EDIL3: variants seen among roughly 807,000 people sequenced by gnomAD.
EDIL3 encodes EGF like and discoidin domains 3.
A neutral mutation model predicts 67.4 loss-of-function variants in EDIL3; 37 were observed. That is an observed-to-expected ratio of 0.55 (90% CI 0.42 to 0.72). EDIL3 has a LOEUF of 0.72. Ranked by LOEUF, EDIL3 falls within the 30% of genes least tolerant of loss-of-function variation. The probability of loss-of-function intolerance (pLI) is 0.00; values close to 1 mark genes in which losing one functional copy is unlikely to be tolerated. For missense variants in EDIL3, 527 were observed against 586.3 expected, an observed-to-expected ratio of 0.90 and a Z score of 1.04; for synonymous variants, 195 against 196.3, an observed-to-expected ratio of 0.99 and a Z score of 0.05.
chr5:84,384,526 C>G lies in EDIL3; in HGVS notation c.-152G>C, dbSNP rs1362123255. The G allele has an allele frequency of 4.3e-6, 3 of 697,044 alleles. No individual in the cohort carries two copies. The highest frequency in any genetic ancestry group is 1.8e-5 in the African/African-American group (1 of 54,360). 43.2% of individuals were successfully genotyped at this position (697,044 alleles called of 1,614,324 possible). A position where few individuals can be genotyped will look rare whatever the true frequency, so the allele number is the denominator to read the frequency against. On this transcript the variant is annotated 5_prime_UTR_variant, in exon 1 of 11. Coordinates refer to ENST00000296591, the MANE Select transcript of EDIL3 (RefSeq NM_005711.5). ...TCCTCAGCGCTTTGTTAAACAAATT[C>G]TTGGAGAGGGCGAGAGTGGTGACTA...
At chr5:84,101,796 G>C (rs1185722565) in intron 6 of EDIL3, among the ~76,000 whole-genome samples, 1 of 151,972 alleles carries the variant, frequency 6.6e-6, no homozygotes, top group African/African-American at 2.4e-5. Context: ...TCGAGGAAGA[G>C]GGACTCCTTC....
At chr5:84,379,844 G>A (rs892679952) in intron 1 of EDIL3, among the ~76,000 whole-genome samples, 21 of 151,992 alleles carry the variant, frequency 1.4e-4, no homozygotes, top group African/African-American at 4.8e-4. Context: ...ACTTTATGTG[G>A]ATCTGCAGAT....
chr5:84,029,593 A>G (rs2112200871), intron 9 of EDIL3, among the ~76,000 whole-genome samples: 1 of 152,326 alleles, frequency 6.6e-6, no homozygotes, highest in Non-Finnish European at 1.5e-5. Context: ...GCTTTTATCA[A>G]AGGGAGTATT....
intron 6 of EDIL3, among the ~76,000 whole-genome samples, chr5:84,068,674 T>C (rs1380473561): frequency 1.3e-5 from 2 of 152,170 alleles, no homozygotes; most frequent in African/African-American, 4.8e-5. Context: ...ATTTTGGCAC[T>C]GTTTCCATTA....
intron 9 of EDIL3, among the ~76,000 whole-genome samples, chr5:84,013,662 G>T (rs1286846626): frequency 6.6e-6 from 1 of 152,140 alleles, no homozygotes; most frequent in East Asian, 1.9e-4. Flanking sequence ...ATGGGATATA[G>T]CAATGAAGAA....
chr5:84,239,407 T>A (rs1744749696), intron 2 of EDIL3, among the ~76,000 whole-genome samples: 1 of 152,170 alleles, frequency 6.6e-6, no homozygotes, highest in South Asian at 2.1e-4. Context: ...TTGTAAAGAA[T>A]TAATTTCCTT....
Position 83,963,220 on chromosome 5 carries a change from C to T in EDIL3, c.1278G>A (p.Lys426=), listed in dbSNP as rs757509169. 11 of 1,593,574 alleles carry T rather than the reference C, an allele frequency of 6.9e-6. No individual in the cohort carries two copies. In the East Asian group the frequency reaches 2.3e-4, roughly 33 times the overall value. ...GCTGACTTACCTTATCTTTTCTTTG[C>T]TTTTCATCCTGGTATACAGTCCAGT... ...GEHWTVYQDE[K]QRKDKVFQGN... Residue 426 remains lysine (K), a synonymous_variant, in exon 10 of 11, where the codon AAG becomes AAA. Transcript: ENST00000296591.
chr5:84,366,061 C>T (rs769434315), intron 1 of EDIL3, among the ~76,000 whole-genome samples: 1 of 152,050 alleles, frequency 6.6e-6, no homozygotes, highest in African/African-American at 2.4e-5. Context: ...AATACACCAA[C>T]ATGCCAGAAA....
rs531577968 is a variant in EDIL3, at chr5:84,195,107, T to C, written c.227-14586A>G. Among the ~76,000 whole-genome samples the C allele has an allele frequency of 3.9e-5, 6 of 152,048 alleles. No individual in the cohort carries two copies. In the South Asian group the frequency reaches 6.2e-4, roughly 16 times the overall value. ...GATTAAAATGATCACAATGTCACCA[T>C]CTGAATGGACAAAAAAGCTGAGGTT... On this transcript the variant is annotated intron_variant, in intron 3 of 10. Transcript: ENST00000296591.
At chr5:84,258,590 C>T (rs1745164771) in intron 1 of EDIL3, among the ~76,000 whole-genome samples, 1 of 152,162 alleles carries the variant, frequency 6.6e-6, no homozygotes, top group Non-Finnish European at 1.5e-5. Flanking sequence ...ACAGCACATT[C>T]TTTCTTAAAG....
intron 1 of EDIL3, among the ~76,000 whole-genome samples, chr5:84,313,579 A>G (rs1746448449): frequency 6.6e-6 from 1 of 152,198 alleles, no homozygotes; most frequent in Non-Finnish European, 1.5e-5. Context: ...GGATTATAAT[A>G]TCTACCTAGA....
intron 1 of EDIL3, among the ~76,000 whole-genome samples, chr5:84,340,342 G>A (rs894658864): frequency 6.6e-6 from 1 of 151,584 alleles, no homozygotes; most frequent in African/African-American, 2.4e-5. Context: ...TAACCCTGCA[G>A]TACCTCAGTT....
intron 6 of EDIL3, among the ~76,000 whole-genome samples, chr5:84,103,607 T>C (rs1052950299): frequency 2.6e-5 from 4 of 151,846 alleles, no homozygotes; most frequent in Non-Finnish European, 5.9e-5. Flanking sequence ...CCAACAATCA[T>C]AGGAAAAAAA....
chr5:84,028,763 A>G (rs1285850136), intron 9 of EDIL3, among the ~76,000 whole-genome samples: 2 of 152,152 alleles, frequency 1.3e-5, no homozygotes, highest in Non-Finnish European at 2.9e-5. Flanking sequence ...ATATATATAT[A>G]CATAGATATA....
At chr5:84,262,303 A>G (rs1745239012) in intron 1 of EDIL3, among the ~76,000 whole-genome samples, 1 of 152,176 alleles carries the variant, frequency 6.6e-6, no homozygotes, top group Admixed American at 6.5e-5. Context: ...AATTTATTCA[A>G]GAAGAAGGAG....
chr5:84,153,499 T>TCAA (rs1748435646), intron 4 of EDIL3, among the ~76,000 whole-genome samples: 1 of 151,738 alleles, frequency 6.6e-6, no homozygotes, highest in South Asian at 2.1e-4. Context: ...TTCACCATAT[T>TCAA]GGTCAGGCTG....
At chr5:83,944,963 T>C (rs1340727020) in intron 10 of EDIL3, among the ~76,000 whole-genome samples, 2 of 151,948 alleles carry the variant, frequency 1.3e-5, no homozygotes, top group East Asian at 1.9e-4. Flanking sequence ...TTAAAGGGAA[T>C]GTTTTAAAAG....
chr5:83,958,374 T>A (rs947177170), intron 10 of EDIL3, among the ~76,000 whole-genome samples: 6 of 151,572 alleles, frequency 4.0e-5, no homozygotes, highest in Non-Finnish European at 7.4e-5. Context: ...ATTAGAGAGT[T>A]CACCAAGATA....
chr5:84,215,763 C>G (rs1016429152), intron 3 of EDIL3, among the ~76,000 whole-genome samples: 1 of 152,130 alleles, frequency 6.6e-6, no homozygotes, highest in Non-Finnish European at 1.5e-5. Context: ...GTGCCAAGCC[C>G]TGCCTGTAAG....
Sources: allele counts gnomAD v4.1 joint callset (sites outside exome capture counted in the v4.1 genomes callset), GRCh38; gene constraint gnomAD v4.1.1; transcripts MANE v1.5; gene names NCBI Gene and HGNC (gene_info 2026-07-23, HGNC 2026-07-21).